Variants in ZNF652 observed in about 807,000 individuals in gnomAD.
ZNF652 encodes zinc finger protein 652.
A neutral mutation model predicts 45.2 loss-of-function variants in ZNF652; 16 were observed. The ratio of observed to expected loss-of-function variants is 0.35; its 90% CI spans 0.24 to 0.54. The LOEUF (loss-of-function observed/expected upper bound fraction) is 0.54. Among genes scored for constraint, ZNF652 ranks in the 20% least tolerant of loss-of-function variants. The pLI, the probability that ZNF652 is intolerant of heterozygous loss-of-function variation, is 0.91. For missense variants in ZNF652, 614 were observed against 765.6 expected, an observed-to-expected ratio of 0.80 and a Z score of 2.34; for synonymous variants, 250 against 260.6, an observed-to-expected ratio of 0.96 and a Z score of 0.39.
intron 1 of ZNF652, among the ~76,000 whole-genome samples, chr17:49,326,317 G>A (rs573573791): frequency 6.6e-6 from 1 of 151,750 alleles, no homozygotes; most frequent in East Asian, 1.9e-4. Context: ...GAGCTGACAG[G>A]AGACAAGCAA....
chr17:49,317,183 T>A lies in ZNF652; in HGVS notation c.543A>T (p.Ile181=). The A allele has an allele frequency of 1.2e-6, 2 of 1,613,802 alleles. No individual in the cohort carries two copies. The highest frequency in any genetic ancestry group is 1.7e-6 in the Non-Finnish European group (2 of 1,180,030). The change falls in exon 2 of 6, where the codon ATA becomes ATT. Residue 181 remains isoleucine (I), a synonymous_variant. Transcript: ENST00000430262. ...ENEKQKKKEK[I]VEKVSVTQRR... ...TTTGTGTAACGCTGACTTTCTCTACTATCTTCTCCTTTTTCTTCTGCTTTT... is the reference window on the plus strand; with the variant it reads ...TTTGTGTAACGCTGACTTTCTCTACAATCTTCTCCTTTTTCTTCTGCTTTT...
At chr17:49,331,600 T>A (rs894869118) in intron 1 of ZNF652, among the ~76,000 whole-genome samples, 4 of 152,000 alleles carry the variant, frequency 2.6e-5, no homozygotes, top group African/African-American at 9.7e-5. Flanking sequence ...ATTTAGAAAA[T>A]GAAAATAACT....
intron 1 of ZNF652, among the ~76,000 whole-genome samples, chr17:49,349,580 C>T (rs1322136404): frequency 6.6e-6 from 1 of 152,126 alleles, no homozygotes; most frequent in African/African-American, 2.4e-5. Context: ...TCACTAAATA[C>T]TTAAATTTTC....
At chr17:49,315,403 A>G (rs1326647819) in intron 2 of ZNF652, among the ~76,000 whole-genome samples, 2 of 152,134 alleles carry the variant, frequency 1.3e-5, no homozygotes, top group Non-Finnish European at 2.9e-5. Context: ...CATAAGAACA[A>G]AGTACAGTGT....
chr17:49,314,146 C>T (rs948625853), intron 2 of ZNF652, among the ~76,000 whole-genome samples: 1 of 151,848 alleles, frequency 6.6e-6, no homozygotes, highest in Admixed American at 6.6e-5. Flanking sequence ...TAGTATTACT[C>T]TCTCTCCTTT....
At position 49,293,827 on chromosome 17, in the gene ZNF652, T is replaced by G. The variant is rs1380762871; in HGVS notation, c.*4586A>C. ...TAGCTGATACAATTCTTAAATGTAATGTATCCCTTTTTTCATTAAGTACTT... is the reference window on the plus strand; with the variant it reads ...TAGCTGATACAATTCTTAAATGTAAGGTATCCCTTTTTTCATTAAGTACTT... On this transcript the variant is annotated 3_prime_UTR_variant, in exon 6 of 6. Transcript: ENST00000430262. Among the ~76,000 whole-genome samples the G allele has an allele frequency of 1.3e-5, 2 of 152,174 alleles. No homozygotes were observed. The highest frequency in any genetic ancestry group is 2.9e-5 in the Non-Finnish European group (2 of 68,018).
At chr17:49,327,730 AATATATATAT>A (rs68056731) in intron 1 of ZNF652, among the ~76,000 whole-genome samples, 2,265 of 60,692 alleles carry the variant, frequency 0.037, 39 homozygotes, top group South Asian at 0.059. Context: ...TAAATAAATA[AATATATATAT>A]ATATATATAT....
rs1488923997 is a variant in ZNF652, at chr17:49,342,673, CAGTT to C, written c.-259+19232_-259+19235del. The stretch of plus-strand genomic sequence containing the variant: ...ACATGTGTATCATATTGACAAACCT[CAGTT>C]ACTGGTGACCACACGAAAATTTCAA... On this transcript the variant is annotated intron_variant, in intron 1 of 5. Coordinates refer to ENST00000430262, the MANE Select transcript of ZNF652 (RefSeq NM_001145365.3). Among the ~76,000 whole-genome samples the C allele has an allele frequency of 5.3e-5, 8 of 151,006 alleles. No individual in the cohort carries two copies. The Admixed American group carries it at 5.3e-4, about 10-fold the overall frequency.
intron 1 of ZNF652, among the ~76,000 whole-genome samples, chr17:49,346,547 G>T (rs910758734): frequency 7.5e-6 from 1 of 132,498 alleles, no homozygotes; most frequent in African/African-American, 2.8e-5. Flanking sequence ...GTGAAACTCC[G>T]TCTCAAACAA....
chr17:49,313,340 G>C (rs916512068), intron 2 of ZNF652, among the ~76,000 whole-genome samples: 2 of 151,886 alleles, frequency 1.3e-5, no homozygotes, highest in Non-Finnish European at 2.9e-5. Flanking sequence ...TGTATTTTTA[G>C]TAGAGACAGG....
chr17:49,303,529 T>A (rs1299641560), intron 5 of ZNF652, among the ~76,000 whole-genome samples: 1 of 151,950 alleles, frequency 6.6e-6, no homozygotes. Context: ...TGTGAGCCAC[T>A]GCGCCTGGCC....
chr17:49,351,473 T>G (rs2070282476), intron 1 of ZNF652, among the ~76,000 whole-genome samples: 2 of 152,098 alleles, frequency 1.3e-5, no homozygotes, highest in Non-Finnish European at 1.5e-5. Flanking sequence ...CCATCTGAAT[T>G]ATGATGCAGA....
chr17:49,304,055 A>ATTTTTTTTTTTTT (rs58790188), intron 5 of ZNF652, among the ~76,000 whole-genome samples: 211 of 117,224 alleles, frequency 1.8e-3, no homozygotes, highest in Middle Eastern at 4.7e-3. Context: ...TGCCTGGCTA[A>ATTTTTTTTTTTTT]TTTTTTTTTT....
At chr17:49,302,040 C>T (rs2069560103) in intron 5 of ZNF652, among the ~76,000 whole-genome samples, 1 of 151,932 alleles carries the variant, frequency 6.6e-6, no homozygotes, top group East Asian at 2.0e-4. Context: ...TTGCTTAAAC[C>T]TAGGAGTTTG....
At position 49,347,744 on chromosome 17, in the gene ZNF652, T is replaced by G. The variant is rs991947248; in HGVS notation, c.-259+14165A>C. Among the ~76,000 whole-genome samples, 4 of 135,382 alleles carry G rather than the reference T, an allele frequency of 3.0e-5. 1 individual carries two copies. The highest frequency in any genetic ancestry group is 8.8e-5 in the African/African-American group (3 of 34,206). 88.8% of individuals were successfully genotyped at this position (135,382 alleles called of 152,430 possible). A position where few individuals can be genotyped will look rare whatever the true frequency, so the allele number is the denominator to read the frequency against. On this transcript the variant is annotated intron_variant, in intron 1 of 5. Transcript: ENST00000430262. ...GAAAAATTGAACCTTGGTTTTGTTT[T>G]TTTTTTTTTTTTTTTTTTTGAGACA...
intron 5 of ZNF652, among the ~76,000 whole-genome samples, chr17:49,306,862 C>T (rs574125346): frequency 1.3e-5 from 2 of 152,258 alleles, no homozygotes; most frequent in South Asian, 4.1e-4. Context: ...AAGCGATTCT[C>T]CTGCCTCAGC....
intron 1 of ZNF652, among the ~76,000 whole-genome samples, chr17:49,339,310 C>CT (rs36110074): frequency 5.4e-4 from 60 of 110,944 alleles, no homozygotes; most frequent in South Asian, 1.5e-3. Flanking sequence ...TCAAGTGATT[C>CT]TTTTTTTTTT....
intron 1 of ZNF652, among the ~76,000 whole-genome samples, chr17:49,334,779 C>CA (rs5820756): frequency 0.31 from 35,822 of 115,346 alleles, 4,615 homozygotes; most frequent in South Asian, 0.37. Context: ...ACTCGATCTC[C>CA]AAAAAAAAAA....
At chr17:49,332,690 A>T (rs1424992579) in intron 1 of ZNF652, among the ~76,000 whole-genome samples, 1 of 152,158 alleles carries the variant, frequency 6.6e-6, no homozygotes, top group Non-Finnish European at 1.5e-5. Context: ...TATGTTGCTC[A>T]GGCTGGTCTC....
Sources: gnomAD v4.1 joint callset for allele counts (sites outside exome capture counted in the v4.1 genomes callset) on GRCh38, gnomAD v4.1.1 for gene constraint, MANE v1.5 for transcripts, NCBI Gene and HGNC (gene_info 2026-07-23, HGNC 2026-07-21) for gene names.